The following GABRB1 variants were observed in gnomAD, a reference collection of about 807,000 sequenced individuals.
GABRB1 encodes the protein gamma-aminobutyric acid type A receptor subunit beta1, also known as gamma-aminobutyric acid receptor subunit beta-1.
In GABRB1, 17 loss-of-function variants were observed where a neutral mutation model predicts 51.6. The observed-to-expected ratio is 0.33, with a 90% CI of 0.23 to 0.49. The LOEUF is 0.49. GABRB1 is among the 20% of genes least tolerant of loss of function. The pLI is 0.99. For missense variants in GABRB1, 410 were observed against 600.6 expected, an observed-to-expected ratio of 0.68 and a Z score of 3.32; for synonymous variants, 247 against 218.9, an observed-to-expected ratio of 1.13 and a Z score of -1.14.
chr4:47,224,485 T>C (rs760242097), intron 4 of GABRB1, among the ~76,000 whole-genome samples: 1 of 152,076 alleles, frequency 6.6e-6, no homozygotes, highest in Non-Finnish European at 1.5e-5. Flanking sequence ...GTAAAATATT[T>C]AAAAGGAGAA....
chr4:47,251,946 C>T lies in GABRB1; in HGVS notation c.462-68181C>T, dbSNP rs189887642. Reference sequence around the variant, plus strand: ...CTGCAGAGGGAAAAAGGGCTTGTTTCTTCCCCTGCCTGTGGAGTCTGCATG... The same window carrying T: ...CTGCAGAGGGAAAAAGGGCTTGTTTTTTCCCCTGCCTGTGGAGTCTGCATG... On this transcript the variant is annotated intron_variant, in intron 4 of 8. Transcript: ENST00000295454. Among the ~76,000 whole-genome samples the T allele has an allele frequency of 1.5e-4, 23 of 152,316 alleles. No homozygotes were observed. The East Asian group carries it at 4.4e-3, about 29-fold the overall frequency.
intron 4 of GABRB1, among the ~76,000 whole-genome samples, chr4:47,212,063 C>A (rs147992392): frequency 6.6e-6 from 1 of 152,212 alleles, no homozygotes; most frequent in African/African-American, 2.4e-5. Context: ...TTCAGCCTAC[C>A]ACAGCCTGAG....
At chr4:47,188,645 C>T (rs1577985847) in intron 4 of GABRB1, among the ~76,000 whole-genome samples, 1 of 151,868 alleles carries the variant, frequency 6.6e-6, no homozygotes. Context: ...TGATAAGTGA[C>T]ATTGATGATG....
At chr4:47,282,956 T>C (rs142919633) in intron 4 of GABRB1, among the ~76,000 whole-genome samples, 19 of 152,322 alleles carry the variant, frequency 1.2e-4, no homozygotes, top group African/African-American at 4.6e-4. Context: ...GGCTGAACTA[T>C]GTGCTGTGGG....
chr4:47,252,507 C>CT (rs34442754), intron 4 of GABRB1, among the ~76,000 whole-genome samples: 23,255 of 116,194 alleles, frequency 0.2, 3,296 homozygotes, highest in African/African-American at 0.26. Context: ...TAGCAATTGC[C>CT]TTTTTTTTTT....
chr4:47,214,619 A>C (rs901087336), intron 4 of GABRB1, among the ~76,000 whole-genome samples: 2 of 152,188 alleles, frequency 1.3e-5, no homozygotes, highest in Non-Finnish European at 2.9e-5. Context: ...TCATATGCAA[A>C]ATATGGTTAT....
At chr4:47,042,854 T>C (rs560487987) in intron 3 of GABRB1, among the ~76,000 whole-genome samples, 1 of 152,000 alleles carries the variant, frequency 6.6e-6, no homozygotes, top group Non-Finnish European at 1.5e-5. Context: ...TTTGTATGTA[T>C]ACAAAATTAT....
intron 4 of GABRB1, among the ~76,000 whole-genome samples, chr4:47,215,293 T>C (rs1179201480): frequency 1.3e-5 from 2 of 152,160 alleles, no homozygotes; most frequent in Non-Finnish European, 2.9e-5. Context: ...CTATTGAAAA[T>C]GAAGTCTTCT....
At chr4:47,381,852 G>T (rs1727609841) in intron 5 of GABRB1, among the ~76,000 whole-genome samples, 1 of 152,176 alleles carries the variant, frequency 6.6e-6, no homozygotes, top group African/African-American at 2.4e-5. Flanking sequence ...GTGTAAACAT[G>T]CTTCTATCTT....
At chr4:47,242,309 C>T (rs988465167) in intron 4 of GABRB1, among the ~76,000 whole-genome samples, 13 of 152,118 alleles carry the variant, frequency 8.5e-5, no homozygotes, top group Non-Finnish European at 1.3e-4. Context: ...GGGTTGGTTC[C>T]AAGTCTTTGC....
intron 3 of GABRB1, chr4:47,032,769 T>G (rs1213590927): frequency 1.6e-6 from 1 of 634,292 alleles, no homozygotes; most frequent in East Asian, 3.4e-5. Context: ...TGAGCGTTAC[T>G]TTAGCTGGGT....
chr4:47,241,549 T>A (rs148751551), intron 4 of GABRB1, among the ~76,000 whole-genome samples: 2 of 152,272 alleles, frequency 1.3e-5, no homozygotes, highest in African/African-American at 4.8e-5. Flanking sequence ...ACAATCTTTG[T>A]CTCCTTACTA....
intron 5 of GABRB1, among the ~76,000 whole-genome samples, chr4:47,337,647 T>C (rs560833770): frequency 2.6e-4 from 39 of 151,616 alleles, no homozygotes; most frequent in African/African-American, 9.2e-4. Flanking sequence ...CCGCCTCTAC[T>C]AAAAATACAA....
intron 5 of GABRB1, among the ~76,000 whole-genome samples, chr4:47,322,500 C>T (rs914221944): frequency 2.0e-5 from 3 of 152,102 alleles, no homozygotes; most frequent in African/African-American, 7.2e-5. Flanking sequence ...ACCTTTGTGA[C>T]ATAAGTATTT....
chr4:47,072,721 C>A (rs150671698), intron 3 of GABRB1, among the ~76,000 whole-genome samples: 67 of 152,208 alleles, frequency 4.4e-4, no homozygotes, highest in African/African-American at 1.5e-3. Flanking sequence ...TGTATTGTAT[C>A]ATGTGACAAA....
intron 4 of GABRB1, among the ~76,000 whole-genome samples, chr4:47,168,210 G>A (rs1718280586): frequency 6.6e-6 from 1 of 152,124 alleles, no homozygotes; most frequent in South Asian, 2.1e-4. Flanking sequence ...CTATATTGTC[G>A]TATGTCATCT....
At chr4:47,408,242 A>G (rs1452574609) in intron 8 of GABRB1, among the ~76,000 whole-genome samples, 5 of 152,244 alleles carry the variant, frequency 3.3e-5, no homozygotes, top group Non-Finnish European at 2.9e-5. Context: ...TAACCATGCC[A>G]TGTCCATTCT....
At chr4:47,120,270 TTGACTC>T (rs1430363753) in intron 3 of GABRB1, among the ~76,000 whole-genome samples, 3 of 152,084 alleles carry the variant, frequency 2.0e-5, no homozygotes, top group East Asian at 3.8e-4. Context: ...TAAAGAGAGA[TTGACTC>T]TGATACAATA....
intron 5 of GABRB1, among the ~76,000 whole-genome samples, chr4:47,350,586 G>T (rs927652002): frequency 6.6e-6 from 1 of 151,570 alleles, no homozygotes; most frequent in South Asian, 2.1e-4. Context: ...GAATATTAAT[G>T]CCTTACTTAC....
Sources: gnomAD v4.1 joint callset for allele counts (sites outside exome capture counted in the v4.1 genomes callset) on GRCh38, gnomAD v4.1.1 for gene constraint, MANE v1.5 for transcripts, NCBI Gene and HGNC (gene_info 2026-07-23, HGNC 2026-07-21) for gene names.